The following LY96 variants were observed in gnomAD, a reference collection of about 807,000 sequenced individuals.
The protein encoded by LY96 is lymphocyte antigen 96.
In LY96, 18 loss-of-function variants were observed where a neutral mutation model predicts 18.9. That is an observed-to-expected ratio of 0.95 (90% CI 0.66 to 1.41). The LOEUF is 1.41. LY96 is among the 40% of genes most tolerant of loss of function. The pLI, the probability that LY96 is intolerant of heterozygous loss-of-function variation, is 0.00. For synonymous variants in LY96, 66 were observed against 62.6 expected (o/e 1.06, Z -0.26); for missense variants, 175 against 182.4 (o/e 0.96, Z 0.23).
At chr8:74,087,720 C>T in the LY96 span, among the ~76,000 whole-genome samples, 1 of 152,194 alleles carries the variant, frequency 6.6e-6, no homozygotes, top group South Asian at 2.1e-4. Flanking sequence ...TGAAAGACAT[C>T]GCCAAGCTTT....
the LY96 span, among the ~76,000 whole-genome samples, chr8:74,042,143 G>T: frequency 5.3e-3 from 814 of 152,278 alleles, 4 homozygotes; most frequent in Non-Finnish European, 8.2e-3. Flanking sequence ...CCATAAATTA[G>T]CTAAAAATAA....
chr8:74,010,785 T>C (rs1032361137), intron 3 of LY96, among the ~76,000 whole-genome samples: 3 of 152,158 alleles, frequency 2.0e-5, no homozygotes, highest in Non-Finnish European at 4.4e-5. Context: ...TTGCAGTGGC[T>C]TAGTAATGTG....
At chr8:74,085,379 C>T in the LY96 span, among the ~76,000 whole-genome samples, 1 of 152,166 alleles carries the variant, frequency 6.6e-6, no homozygotes, top group African/African-American at 2.4e-5. Context: ...ACATCTTGAA[C>T]AAGGAGAAAA....
chr8:74,053,301 T>C, the LY96 span, among the ~76,000 whole-genome samples: 1 of 152,250 alleles, frequency 6.6e-6, no homozygotes, highest in Non-Finnish European at 1.5e-5. Context: ...ATTTTCACAA[T>C]TTCTTTGCTG....
At chr8:74,017,072 G>A (rs937066572) in intron 3 of LY96, among the ~76,000 whole-genome samples, 2 of 152,218 alleles carry the variant, frequency 1.3e-5, no homozygotes, top group African/African-American at 2.4e-5. Flanking sequence ...GACAGAAGAA[G>A]GCTTTAGAAG....
the LY96 span, among the ~76,000 whole-genome samples, chr8:74,066,320 G>T: frequency 2.0e-5 from 3 of 151,994 alleles, no homozygotes; most frequent in Non-Finnish European, 2.9e-5. Flanking sequence ...ACCTCCTGAA[G>T]ACCCCACATA....
At chr8:74,089,570 G>A in the LY96 span, among the ~76,000 whole-genome samples, 4 of 152,198 alleles carry the variant, frequency 2.6e-5, no homozygotes, top group Non-Finnish European at 5.9e-5. Context: ...GAAAGTGGAT[G>A]AGATTTTATT....
the LY96 span, among the ~76,000 whole-genome samples, chr8:74,076,744 A>G: frequency 2.6e-5 from 4 of 152,104 alleles, no homozygotes; most frequent in Non-Finnish European, 4.4e-5. Flanking sequence ...TATTCACATA[A>G]CACTTCTGAC....
chr8:74,028,591 C>T (rs1816916519), intron 4 of LY96, among the ~76,000 whole-genome samples: 1 of 151,896 alleles, frequency 6.6e-6, no homozygotes, highest in Non-Finnish European at 1.5e-5. Context: ...TGAATAATAC[C>T]ATTGTGATTC....
At chr8:74,018,128 C>T (rs1361315739) in intron 3 of LY96, among the ~76,000 whole-genome samples, 3 of 151,778 alleles carry the variant, frequency 2.0e-5, no homozygotes, top group Non-Finnish European at 2.9e-5. Flanking sequence ...AGAGTCAAGA[C>T]GTATCAGTGT....
chr8:74,001,477 C>T (rs1816268079), intron 1 of LY96, among the ~76,000 whole-genome samples: 1 of 152,094 alleles, frequency 6.6e-6, no homozygotes, highest in Non-Finnish European at 1.5e-5. Context: ...CATCGGTCCA[C>T]CTTGGCCTCC....
the LY96 span, among the ~76,000 whole-genome samples, chr8:74,066,825 C>G: frequency 5.9e-5 from 9 of 152,106 alleles, no homozygotes; most frequent in African/African-American, 2.2e-4. Flanking sequence ...AAAGATATAT[C>G]CAAATATTTA....
At chr8:73,998,844 CTT>C (rs1303418813) in intron 1 of LY96, among the ~76,000 whole-genome samples, 1 of 152,106 alleles carries the variant, frequency 6.6e-6, no homozygotes, top group Non-Finnish European at 1.5e-5. Flanking sequence ...CTGTTAATGT[CTT>C]TGATCAATTT....
In LY96 at chr8:74,004,775, C is replaced by T; in HGVS notation, c.113-21C>T. The T allele has an allele frequency of 2.6e-6, 4 of 1,532,392 alleles. No homozygotes were observed. The Admixed American group carries it at 5.1e-5, about 19-fold the overall frequency. 94.9% of individuals were successfully genotyped at this position (1,532,392 alleles called of 1,614,324 possible). A position where few individuals can be genotyped will look rare whatever the true frequency, so the allele number is the denominator to read the frequency against. ...GAGATGATTTGTAGTAATTTATTGACATTATCTTTATTGCTTTTAGATAAA... is the reference window on the plus strand; with the variant it reads ...GAGATGATTTGTAGTAATTTATTGATATTATCTTTATTGCTTTTAGATAAA... On this transcript the variant is annotated intron_variant, in intron 1 of 4. Coordinates refer to ENST00000284818, the MANE Select transcript of LY96 (RefSeq NM_015364.5).
chr8:73,998,788 G>C (rs562966749), intron 1 of LY96, among the ~76,000 whole-genome samples: 36 of 152,286 alleles, frequency 2.4e-4, no homozygotes, highest in African/African-American at 8.2e-4. Flanking sequence ...TAGCAACATT[G>C]TCTTCCAATC....
intron 1 of LY96, among the ~76,000 whole-genome samples, chr8:73,994,447 A>G (rs1394993806): frequency 6.6e-6 from 1 of 152,106 alleles, no homozygotes; most frequent in Non-Finnish European, 1.5e-5. Context: ...TCCATGAAAA[A>G]GAAGAGATAG....
the LY96 span, among the ~76,000 whole-genome samples, chr8:74,041,144 A>C: frequency 2.6e-5 from 4 of 152,152 alleles, no homozygotes; most frequent in African/African-American, 2.4e-5. Flanking sequence ...TACTTTTATA[A>C]TTTCTTATGC....
chr8:74,040,787 C>T, the LY96 span, among the ~76,000 whole-genome samples: 4 of 148,314 alleles, frequency 2.7e-5, no homozygotes, highest in Non-Finnish European at 3.0e-5. Flanking sequence ...ACTGCAACCT[C>T]TACCTCCCGG....
chr8:74,021,652 CAA>C (rs1816763459), intron 3 of LY96, among the ~76,000 whole-genome samples: 1 of 152,144 alleles, frequency 6.6e-6, no homozygotes, highest in Admixed American at 6.5e-5. Context: ...TTCACAACAG[CAA>C]AGACTTGGAA....
Sources: allele counts gnomAD v4.1 joint callset (sites outside exome capture counted in the v4.1 genomes callset), GRCh38; gene constraint gnomAD v4.1.1; transcripts MANE v1.5; gene names NCBI Gene and HGNC (gene_info 2026-07-23, HGNC 2026-07-21).